Variants in SLC7A2 observed in about 807,000 individuals in gnomAD.
SLC7A2 encodes cationic amino acid transporter 2.
SLC7A2 carries 48 observed loss-of-function variants against 58.9 expected under a neutral mutation model. That is an observed-to-expected ratio of 0.82 (90% CI 0.65 to 1.04). The LOEUF (loss-of-function observed/expected upper bound fraction) is 1.04, where lower values mean the gene tolerates loss of function less well. Among genes scored for constraint, SLC7A2 ranks in the 50% least tolerant of loss-of-function variants. SLC7A2 has a pLI of 0.00. For synonymous variants in SLC7A2, 363 were observed against 314.5 expected, an observed-to-expected ratio of 1.15 and a Z score of -1.63; for missense variants, 1,029 against 818.8, an observed-to-expected ratio of 1.26 and a Z score of -3.13.
chr8:17,553,644 C>T (rs780918260), intron 7 of SLC7A2, among the ~76,000 whole-genome samples: 3 of 152,184 alleles, frequency 2.0e-5, no homozygotes, highest in East Asian at 1.9e-4. Flanking sequence ...TGGTGGCATG[C>T]GCCTTTAGTC....
At chr8:17,512,915 C>T (rs1585191460) in intron 2 of SLC7A2, among the ~76,000 whole-genome samples, 1 of 152,122 alleles carries the variant, frequency 6.6e-6, no homozygotes, top group African/African-American at 2.4e-5. Flanking sequence ...TGGATTATTT[C>T]ACTGAACATG....
At chr8:17,548,623 A>G in intron 4 of SLC7A2, 55 bp from the exon 5 acceptor site, 1 of 1,348,344 alleles carries the variant, frequency 7.4e-7, no homozygotes, top group Non-Finnish European at 1.0e-6. Context: ...TTTGCCTCAA[A>G]ATGCTATTGC....
chr8:17,562,704 G>C (rs146623964), intron 11 of SLC7A2, among the ~76,000 whole-genome samples: 1 of 152,010 alleles, frequency 6.6e-6, no homozygotes, highest in Non-Finnish European at 1.5e-5. Flanking sequence ...TCAAACACTT[G>C]GGTATGTTCC....
intron 2 of SLC7A2, among the ~76,000 whole-genome samples, chr8:17,503,661 T>C (rs1336851095): frequency 6.6e-6 from 1 of 152,182 alleles, no homozygotes; most frequent in Non-Finnish European, 1.5e-5. Context: ...GTACTTGTCC[T>C]GACAAAAATT....
intron 1 of SLC7A2, among the ~76,000 whole-genome samples, chr8:17,498,121 T>G (rs545153521): frequency 2.6e-5 from 4 of 152,102 alleles, no homozygotes; most frequent in African/African-American, 9.7e-5. Flanking sequence ...CTCTTCAGAG[T>G]TGTAAATATT....
chr8:17,532,376 C>A (rs1469782529), intron 2 of SLC7A2, among the ~76,000 whole-genome samples: 1 of 151,986 alleles, frequency 6.6e-6, no homozygotes, highest in Admixed American at 6.6e-5. Flanking sequence ...GGAGTCCCCT[C>A]CTGTGTGTGC....
At chr8:17,494,817 A>G (rs1316287049), upstream of SLC7A2, among the ~76,000 whole-genome samples, 1 of 152,246 alleles carries the variant, frequency 6.6e-6, no homozygotes, top group East Asian at 1.9e-4. Context: ...GTGTAAAGAT[A>G]TTCAGCAATC....
At chr8:17,501,874 A>G (rs1284375597) in intron 1 of SLC7A2, among the ~76,000 whole-genome samples, 2 of 146,316 alleles carry the variant, frequency 1.4e-5, no homozygotes, top group African/African-American at 5.3e-5. Flanking sequence ...CCTTTGTAAC[A>G]GGAGCTTAAA....
chr8:17,507,050 T>G (rs1301520104), intron 2 of SLC7A2, among the ~76,000 whole-genome samples: 3 of 151,772 alleles, frequency 2.0e-5, no homozygotes, highest in Non-Finnish European at 4.4e-5. Flanking sequence ...GTTCAAGCGA[T>G]TCCCCTGCCT....
At chr8:17,536,795 G>A (rs939425988) in intron 2 of SLC7A2, among the ~76,000 whole-genome samples, 5 of 152,130 alleles carry the variant, frequency 3.3e-5, no homozygotes, top group Admixed American at 6.6e-5. Flanking sequence ...AGTAGAGTGG[G>A]GTGAAGCAGG....
chr8:17,534,795 C>T (rs1399664632), intron 2 of SLC7A2, among the ~76,000 whole-genome samples: 1 of 151,264 alleles, frequency 6.6e-6, no homozygotes. Flanking sequence ...TTATTTTTAT[C>T]TGTAAACTAT....
chr8:17,514,617 G>C (rs756487955), intron 2 of SLC7A2, among the ~76,000 whole-genome samples: 8 of 152,126 alleles, frequency 5.3e-5, no homozygotes, highest in Non-Finnish European at 1.0e-4. Flanking sequence ...ACTCAATTTT[G>C]CTTGGTAGAA....
At chr8:17,534,736 T>C (rs1801593980) in intron 2 of SLC7A2, among the ~76,000 whole-genome samples, 1 of 151,668 alleles carries the variant, frequency 6.6e-6, no homozygotes, top group African/African-American at 2.4e-5. Flanking sequence ...GTACCCTCCT[T>C]GCACAAAGTT....
chr8:17,546,686 C>G (rs1183594821), intron 4 of SLC7A2, among the ~76,000 whole-genome samples: 2 of 152,106 alleles, frequency 1.3e-5, no homozygotes, highest in Non-Finnish European at 2.9e-5. Flanking sequence ...ATATATGATT[C>G]TAGGAATTAC....
intron 6 of SLC7A2, among the ~76,000 whole-genome samples, chr8:17,550,820 T>A (rs1414829973): frequency 6.6e-6 from 1 of 152,208 alleles, no homozygotes; most frequent in East Asian, 1.9e-4. Context: ...GGTCTCTTTG[T>A]TAGTGGGAGA....
At chr8:17,546,519 C>T (rs923128438) in intron 4 of SLC7A2, among the ~76,000 whole-genome samples, 1 of 152,024 alleles carries the variant, frequency 6.6e-6, no homozygotes, top group Non-Finnish European at 1.5e-5. Context: ...GAGATGAGAC[C>T]TCAGAGTAGA....
At chr8:17,505,061 G>A (rs1419716115) in intron 2 of SLC7A2, among the ~76,000 whole-genome samples, 1 of 152,006 alleles carries the variant, frequency 6.6e-6, no homozygotes, top group African/African-American at 2.4e-5. Flanking sequence ...ATTAAGTGAT[G>A]GAAGCATGTA....
At chr8:17,553,547 G>A (rs2150760574) in intron 7 of SLC7A2, among the ~76,000 whole-genome samples, 1 of 152,286 alleles carries the variant, frequency 6.6e-6, no homozygotes, top group African/African-American at 2.4e-5. Context: ...GAGGCGGGAG[G>A]ATCACTTACG....
In SLC7A2 at chr8:17,560,473, C is replaced by G; in HGVS notation, c.1444C>G (p.Pro482Ala). 1 of 1,613,966 alleles carries G rather than the reference C, an allele frequency of 6.2e-7. No homozygotes were observed. The highest frequency in any genetic ancestry group is 1.3e-5 in the African/African-American group (1 of 75,014). Residue 482 changes from proline to alanine, a missense_variant, in exon 10 of 13, where the codon CCC becomes GCC. Physicochemically the swap from Pro to Ala is conservative, Grantham distance 27. Transcript: ENST00000494857. The stretch of plus-strand genomic sequence containing the variant: ...CTTCAGCATGCGGACCCTCTTCTGC[C>G]CCTCCCTTCTGCCAACACAGCAGTC... ...QGFSMRTLFCPSLLPTQQSAS... is the reference protein window; with the variant it reads ...QGFSMRTLFCASLLPTQQSAS...
Sources: gnomAD v4.1 joint callset for allele counts (sites outside exome capture counted in the v4.1 genomes callset) on GRCh38, gnomAD v4.1.1 for gene constraint, MANE v1.5 for transcripts, NCBI Gene and HGNC (gene_info 2026-07-23, HGNC 2026-07-21) for gene names.